MYO1B: variants seen among roughly 807,000 people sequenced by gnomAD.
MYO1B encodes the protein unconventional myosin-Ib.
In MYO1B, 72 loss-of-function variants were observed where a neutral mutation model predicts 159.7. That is an observed-to-expected ratio of 0.45 (90% confidence interval 0.37 to 0.55). The LOEUF is 0.55. MYO1B is among the 20% of genes least tolerant of loss of function. The pLI is 0.00. For missense variants in MYO1B, 1,062 were observed against 1,364.8 expected (o/e 0.78, Z 3.50); for synonymous variants, 468 against 473.8 (o/e 0.99, Z 0.16).
intron 3 of MYO1B, among the ~76,000 whole-genome samples, chr2:191,301,497 C>A (rs1689330676): frequency 6.6e-6 from 1 of 152,170 alleles, no homozygotes; most frequent in African/African-American, 2.4e-5. Context: ...CCTCCAAATG[C>A]AGTCAAAATG....
rs147871641 is a variant in MYO1B, at chr2:191,401,387, A to C, written c.2469+552A>C. 2.0e-5 allele frequency among the ~76,000 whole-genome samples: 3 copies of C among 152,316 alleles called. No individual in the cohort carries two copies. In the East Asian group the frequency reaches 5.8e-4, roughly 29 times the overall value. ...TGTGATTTAACAGAAAACTATGTTC[A>C]TGCACAGCTAGCTATGATTGCCACT... On this transcript the variant is annotated intron_variant, in intron 23 of 30. Coordinates refer to ENST00000392318, the MANE Select transcript of MYO1B (RefSeq NM_001130158.3).
intron 3 of MYO1B, among the ~76,000 whole-genome samples, chr2:191,329,587 T>A (rs1346047272): frequency 1.3e-5 from 2 of 148,166 alleles, no homozygotes; most frequent in Admixed American, 6.7e-5. Flanking sequence ...ATAAATAAAT[T>A]ATTTATATAA....
At chr2:191,330,825 A>G (rs1446129399) in intron 4 of MYO1B, among the ~76,000 whole-genome samples, 1 of 152,200 alleles carries the variant, frequency 6.6e-6, no homozygotes, top group East Asian at 1.9e-4. Context: ...TAAGAATATG[A>G]TAATTGGTCA....
At chr2:191,276,829 G>A (rs993830827) in intron 1 of MYO1B, 58 bp from the exon 2 acceptor site, 1 of 1,550,004 alleles carries the variant, frequency 6.5e-7, no homozygotes, top group Non-Finnish European at 8.7e-7. Flanking sequence ...GTAGTGCCAA[G>A]AACCTATTTG....
intron 3 of MYO1B, among the ~76,000 whole-genome samples, chr2:191,299,394 A>G (rs1689171332): frequency 6.6e-6 from 1 of 152,090 alleles, no homozygotes; most frequent in South Asian, 2.1e-4. Flanking sequence ...ATTCCCTCCC[A>G]TCTTGCTTGT....
At chr2:191,411,754 G>A (rs1437004755) in intron 27 of MYO1B, among the ~76,000 whole-genome samples, 2 of 152,136 alleles carry the variant, frequency 1.3e-5, no homozygotes, top group Middle Eastern at 3.2e-3. Context: ...AGAAAAAGAA[G>A]GAACACCAAT....
intron 13 of MYO1B, among the ~76,000 whole-genome samples, chr2:191,375,215 A>G (rs772769184): frequency 3.3e-5 from 5 of 152,184 alleles, no homozygotes; most frequent in African/African-American, 4.8e-5. Flanking sequence ...GATAGGCTGG[A>G]TGCAATGATT....
intron 7 of MYO1B, 51 bp from the exon 8 acceptor site, chr2:191,360,580 G>A (rs370145730): frequency 2.7e-6 from 3 of 1,125,858 alleles, no homozygotes; most frequent in Admixed American, 2.2e-5. Context: ...AAAGCATGGT[G>A]GATTTGGAAG....
At position 191,279,356 on chromosome 2, in the gene MYO1B, G is replaced by A. The variant is rs545961153; in HGVS notation, c.135+2326G>A. Among the ~76,000 whole-genome samples the A allele has an allele frequency of 4.0e-5, 6 of 150,548 alleles. No homozygotes were observed. In the East Asian group the frequency reaches 9.9e-4, roughly 25 times the overall value. On this transcript the variant is annotated intron_variant, in intron 2 of 30. Transcript: ENST00000392318. ...GTAAAAGATGTGTATGGGGGTTTAC[G>A]AATATGTACATATGTTTGTATATAT...
chr2:191,358,186 A>T (rs898377919), intron 7 of MYO1B, among the ~76,000 whole-genome samples: 3 of 152,154 alleles, frequency 2.0e-5, no homozygotes, highest in Non-Finnish European at 4.4e-5. Context: ...TCTATTGCTT[A>T]CCAAGACTGG....
chr2:191,353,482 G>A (rs1033068740), intron 7 of MYO1B, among the ~76,000 whole-genome samples: 3 of 152,200 alleles, frequency 2.0e-5, no homozygotes, highest in Non-Finnish European at 4.4e-5. Context: ...TATTTCAGAT[G>A]TGCATACACC....
intron 14 of MYO1B, 30 bp downstream of exon 14, chr2:191,381,596 T>G: frequency 1.3e-6 from 2 of 1,491,046 alleles, no homozygotes; most frequent in Non-Finnish European, 9.3e-7. Flanking sequence ...TTTAAAAGTG[T>G]TGGTCCTTTT....
chr2:191,406,494 C>T (rs1696923121), intron 24 of MYO1B, among the ~76,000 whole-genome samples: 1 of 152,164 alleles, frequency 6.6e-6, no homozygotes, highest in Admixed American at 6.5e-5. Context: ...CCCTTCCTTT[C>T]AGTTGAACAC....
intron 1 of MYO1B, among the ~76,000 whole-genome samples, chr2:191,268,489 T>C (rs1377418084): frequency 1.3e-5 from 2 of 152,210 alleles, no homozygotes; most frequent in East Asian, 3.8e-4. Flanking sequence ...ATTCAGTCCG[T>C]AAGATTTGGC....
chr2:191,364,076 A>G (rs1257917329), intron 10 of MYO1B, 82 bp from the exon 11 acceptor site: 2 of 1,308,726 alleles, frequency 1.5e-6, no homozygotes, highest in Non-Finnish European at 2.2e-6. Flanking sequence ...TATGATTTAG[A>G]AAGAACATCC....
chr2:191,396,795 G>C (rs1696104981), intron 21 of MYO1B, among the ~76,000 whole-genome samples: 1 of 152,182 alleles, frequency 6.6e-6, no homozygotes, highest in Non-Finnish European at 1.5e-5. Flanking sequence ...GAGAAAAGCT[G>C]TGGTACAGAA....
intron 3 of MYO1B, among the ~76,000 whole-genome samples, chr2:191,299,543 A>G (rs1349513890): frequency 6.6e-6 from 1 of 152,220 alleles, no homozygotes; most frequent in Non-Finnish European, 1.5e-5. Flanking sequence ...CTCAAATTGC[A>G]GAAGACCTCT....
At chr2:191,399,539 T>A (rs889265038) in intron 21 of MYO1B, among the ~76,000 whole-genome samples, 1 of 152,194 alleles carries the variant, frequency 6.6e-6, no homozygotes, top group Non-Finnish European at 1.5e-5. Flanking sequence ...ATCCCTGATC[T>A]AGGTCAACGA....
intron 21 of MYO1B, among the ~76,000 whole-genome samples, chr2:191,397,920 C>T (rs1696251297): frequency 3.6e-5 from 2 of 55,956 alleles, no homozygotes; most frequent in South Asian, 1.7e-3. Context: ...CCCTCACCTC[C>T]CGGACAGGGC....
Sources: gnomAD v4.1 joint callset for allele counts (sites outside exome capture counted in the v4.1 genomes callset) on GRCh38, gnomAD v4.1.1 for gene constraint, MANE v1.5 for transcripts, NCBI Gene and HGNC (gene_info 2026-07-23, HGNC 2026-07-21) for gene names.